Variants in SLC6A16 observed in about 807,000 individuals in gnomAD.
SLC6A16 encodes solute carrier family 6 member 16.
A neutral mutation model predicts 65.4 loss-of-function variants in SLC6A16; 54 were observed. The ratio of observed to expected loss-of-function variants is 0.83; its 90% CI spans 0.66 to 1.04. The LOEUF is 1.04. SLC6A16 is among the 50% of genes least tolerant of loss of function. The pLI is 0.00. For missense variants in SLC6A16, 816 were observed against 914.0 expected (o/e 0.89, Z 1.38); for synonymous variants, 330 against 346.5 (o/e 0.95, Z 0.53).
upstream of SLC6A16, among the ~76,000 whole-genome samples, chr19:49,327,331 G>A (rs141005558): frequency 1.6e-4 from 24 of 152,058 alleles, no homozygotes; most frequent in Admixed American, 2.6e-4. Flanking sequence ...CAGGTGATCC[G>A]CCCGCCTCAG....
At chr19:49,296,262 C>A (rs1034495841) in intron 7 of SLC6A16, among the ~76,000 whole-genome samples, 16 of 152,200 alleles carry the variant, frequency 1.1e-4, no homozygotes, top group African/African-American at 3.9e-4. Flanking sequence ...GCTGGGATTA[C>A]AGGCATGAAC....
chr19:49,312,923 C>T (rs1479628943), intron 1 of SLC6A16, among the ~76,000 whole-genome samples: 3 of 151,978 alleles, frequency 2.0e-5, no homozygotes, highest in Non-Finnish European at 2.9e-5. Context: ...CATCAATATA[C>T]AGAAGATGAT....
At chr19:49,336,098 T>C in the SLC6A16 span, 1 of 440,422 alleles carries the variant, frequency 2.3e-6, no homozygotes, top group Non-Finnish European at 4.1e-6. Flanking sequence ...ATGGATGTCA[T>C]ACAGCAAGGA....
intron 7 of SLC6A16, among the ~76,000 whole-genome samples, chr19:49,305,430 A>G (rs1024426687): frequency 7.9e-5 from 12 of 152,044 alleles, no homozygotes; most frequent in Admixed American, 2.6e-4. Flanking sequence ...CGTCTCTACT[A>G]AAAATACAAA....
chr19:49,335,947 G>A, the SLC6A16 span: 5 of 659,424 alleles, frequency 7.6e-6, no homozygotes, highest in South Asian at 5.2e-5. The surrounding 1 kb of genome is among the most constrained non-coding windows in gnomAD (Gnocchi z 4.6). Context: ...GTCTTCTTCC[G>A]GCAAATGGGG....
chr19:49,289,923 A>G lies in SLC6A16; in HGVS notation c.*200T>C. The G allele has an allele frequency of 1.7e-6, 1 of 597,108 alleles. No homozygotes were observed. Among genetic ancestry groups the G allele is most frequent in the South Asian group, 2.1e-5 (1 of 47,888 alleles). The allele number at this position is 597,108 out of a possible 1,614,324, so 37.0% of individuals were successfully genotyped here. On this transcript the variant is annotated 3_prime_UTR_variant, in exon 12 of 12. Transcript: ENST00000335875. ...GTTGAGGAAGAGGATGGGGAAAACA[A>G]TGATGGTGGTCACCAGGTAAGATGG...
At chr19:49,333,752 G>A in the SLC6A16 span, among the ~76,000 whole-genome samples, 9 of 152,174 alleles carry the variant, frequency 5.9e-5, no homozygotes, top group Non-Finnish European at 1.2e-4. Flanking sequence ...ATGCGCTGTT[G>A]GGGAAGAGGG....
the SLC6A16 span, chr19:49,338,640 C>T: frequency 3.1e-6 from 4 of 1,293,456 alleles, no homozygotes; most frequent in Non-Finnish European, 4.4e-6. The surrounding 1 kb of genome is among the most constrained non-coding windows in gnomAD (Gnocchi z 5.0). Context: ...ACCTTGTCCC[C>T]TGATCCCCAA....
chr19:49,323,194 C>G (rs959566354), intron 1 of SLC6A16, among the ~76,000 whole-genome samples: 2 of 151,982 alleles, frequency 1.3e-5, no homozygotes, highest in African/African-American at 2.4e-5. Context: ...GGACTCTTAC[C>G]TAACACCACA....
the SLC6A16 span, chr19:49,338,857 G>A: frequency 1.2e-6 from 2 of 1,614,152 alleles, no homozygotes; most frequent in Non-Finnish European, 1.7e-6. The surrounding 1 kb of genome is among the most constrained non-coding windows in gnomAD (Gnocchi z 5.0). Flanking sequence ...CCCCAGCTCA[G>A]CAGGCTTGGA....
the SLC6A16 span, chr19:49,338,273 GC>G: frequency 2.1e-6 from 2 of 964,764 alleles, no homozygotes; most frequent in South Asian, 4.8e-5. This position sits in a 1 kb window ranked among gnomAD's most constrained non-coding sequence, Gnocchi z 5.0. Context: ...CCCCGCCCCC[GC>G]CCCGACCAGA....
chr19:49,310,803 G>A lies in SLC6A16; in HGVS notation c.415+130C>T, dbSNP rs552293722. 1.6e-5 allele frequency: 13 copies of A among 796,150 alleles called. No individual in the cohort carries two copies. The African/African-American group carries it at 1.9e-4, about 12-fold the overall frequency. The allele number at this position is 796,150 out of a possible 1,614,324, so 49.3% of individuals were successfully genotyped here. ...ATGATCCTAAGTGTCCAGGGACCTG[G>A]CTCCTATCCTGCTCAGAGCACCAGG... On this transcript the variant is annotated intron_variant, in intron 2 of 11. Transcript: ENST00000335875.
chr19:49,334,171 T>G, the SLC6A16 span, among the ~76,000 whole-genome samples: 16 of 151,814 alleles, frequency 1.1e-4, no homozygotes, highest in South Asian at 1.7e-3. Context: ...CAAAAACAAG[T>G]GGGGAAGGGG....
the SLC6A16 span, chr19:49,338,609 C>T: frequency 3.2e-6 from 3 of 934,100 alleles, no homozygotes; most frequent in Middle Eastern, 2.1e-4. The surrounding 1 kb of genome is among the most constrained non-coding windows in gnomAD (Gnocchi z 5.0). Context: ...CCCTGCTCCC[C>T]GACCTGACCT....
chr19:49,324,390 T>C (rs1970765358), intron 1 of SLC6A16, among the ~76,000 whole-genome samples: 2 of 152,172 alleles, frequency 1.3e-5, no homozygotes, highest in South Asian at 2.1e-4. Context: ...TCTAGAACAG[T>C]TGTCCTTAAA....
chr19:49,330,531 A>G, the SLC6A16 span, among the ~76,000 whole-genome samples: 1 of 152,316 alleles, frequency 6.6e-6, no homozygotes, highest in South Asian at 2.1e-4. Context: ...TGAAGAAGGA[A>G]GGAGGAAAAG....
At chr19:49,338,092 A>G in the SLC6A16 span, 2 of 1,579,742 alleles carry the variant, frequency 1.3e-6, no homozygotes, top group East Asian at 2.3e-5. This position sits in a 1 kb window ranked among gnomAD's most constrained non-coding sequence, Gnocchi z 5.0. Context: ...CTTGGAGGAG[A>G]CTCCACCCCA....
chr19:49,310,568 T>C, intron 2 of SLC6A16, 58 bp from the exon 3 acceptor site: 1 of 1,592,666 alleles, frequency 6.3e-7, no homozygotes, highest in Non-Finnish European at 8.6e-7. Context: ...GTGCCTGGAC[T>C]CCAGGAGCCC....
chr19:49,337,034 G>C, the SLC6A16 span: 1 of 1,613,328 alleles, frequency 6.2e-7, no homozygotes, highest in Non-Finnish European at 8.5e-7. Flanking sequence ...CCTGGGCCTG[G>C]TGAGTGCACC....
Sources: gnomAD v4.1 joint callset for allele counts (sites outside exome capture counted in the v4.1 genomes callset) on GRCh38, gnomAD v4.1.1 for gene constraint, Gnocchi (gnomAD v3.1) non-coding constraint, MANE v1.5 for transcripts, NCBI Gene and HGNC (gene_info 2026-07-23, HGNC 2026-07-21) for gene names.